Variants in BRD10 observed in about 807,000 individuals in gnomAD.
BRD10 encodes bromodomain containing 10, also known as uncharacterized bromodomain-containing protein 10.
the BRD10 span, among the ~76,000 whole-genome samples, chr9:5,979,908 A>G: frequency 0.6 from 89,744 of 150,476 alleles, 27,887 homozygotes; most frequent in Non-Finnish European, 0.71. Context: ...CTAGCTACTC[A>G]GGAGGCTGAG....
At chr9:5,987,967 G>A in the BRD10 span, among the ~76,000 whole-genome samples, 3 of 152,042 alleles carry the variant, frequency 2.0e-5, no homozygotes, top group African/African-American at 4.8e-5. Context: ...ACAGGCAGAG[G>A]TGAATTTATG....
chr9:6,007,854 G>A, the BRD10 span: 8 of 1,376,442 alleles, frequency 5.8e-6, no homozygotes, highest in Non-Finnish European at 7.5e-6. Flanking sequence ...GCGTGAGCGC[G>A]AGCCGCTTCC....
At chr9:5,999,785 T>C in the BRD10 span, among the ~76,000 whole-genome samples, 27 of 152,304 alleles carry the variant, frequency 1.8e-4, no homozygotes, top group African/African-American at 4.1e-4. Context: ...GTTTATCCAC[T>C]TGTGTCTTTC....
At chr9:5,922,812 A>C in the BRD10 span, 4 of 1,613,952 alleles carry the variant, frequency 2.5e-6, no homozygotes, top group Non-Finnish European at 3.4e-6. Flanking sequence ...ACCATTTGTA[A>C]AGGACCTTTT....
chr9:5,888,925 T>C, the BRD10 span, among the ~76,000 whole-genome samples: 1 of 152,148 alleles, frequency 6.6e-6, no homozygotes, highest in Non-Finnish European at 1.5e-5. Context: ...TGATGTACAA[T>C]GAAAAGTGGA....
At chr9:5,957,416 C>T in the BRD10 span, among the ~76,000 whole-genome samples, 5 of 152,256 alleles carry the variant, frequency 3.3e-5, no homozygotes, top group African/African-American at 9.6e-5. Context: ...TGACATACTG[C>T]GCATTTGTTA....
the BRD10 span, among the ~76,000 whole-genome samples, chr9:5,926,412 A>G: frequency 6.6e-6 from 1 of 151,430 alleles, no homozygotes; most frequent in South Asian, 2.1e-4. Flanking sequence ...GGATCAAGCA[A>G]TGCACCCACC....
chr9:5,990,628 A>T, the BRD10 span, among the ~76,000 whole-genome samples: 1 of 152,242 alleles, frequency 6.6e-6, no homozygotes, highest in Non-Finnish European at 1.5e-5. Flanking sequence ...CAGAAATTAA[A>T]ATTTATGAGC....
At chr9:5,969,175 G>C in the BRD10 span, 1 of 1,613,852 alleles carries the variant, frequency 6.2e-7, no homozygotes, top group East Asian at 2.2e-5. Flanking sequence ...GTCTGCGATG[G>C]GGAGGACTTA....
At chr9:5,988,158 A>G in the BRD10 span, among the ~76,000 whole-genome samples, 2 of 152,232 alleles carry the variant, frequency 1.3e-5, no homozygotes, top group Non-Finnish European at 2.9e-5. Context: ...ATTTTTGTAT[A>G]GCTTCAAGAT....
the BRD10 span, among the ~76,000 whole-genome samples, chr9:5,995,020 C>G: frequency 2.6e-5 from 4 of 152,182 alleles, no homozygotes; most frequent in Admixed American, 2.6e-4. Flanking sequence ...CTGCCTCAGC[C>G]TCCTGAGTAG....
chr9:5,899,937 T>C, the BRD10 span, among the ~76,000 whole-genome samples: 2 of 152,212 alleles, frequency 1.3e-5, no homozygotes, highest in Non-Finnish European at 2.9e-5. Context: ...CACCCAGACA[T>C]GTTGGAAATC....
At chr9:5,924,644 A>AT in the BRD10 span, 2 of 1,458,716 alleles carry the variant, frequency 1.4e-6, no homozygotes, top group South Asian at 3.2e-5. Context: ...TTAAAAAAAA[A>AT]GTTTAATGCT....
the BRD10 span, chr9:5,922,901 G>A: frequency 4.3e-6 from 7 of 1,613,854 alleles, no homozygotes; most frequent in Non-Finnish European, 5.9e-6. Context: ...CACAGCAAGA[G>A]CATTTCTACC....
chr9:5,897,418 G>C, the BRD10 span: 2 of 729,706 alleles, frequency 2.7e-6, no homozygotes, highest in Non-Finnish European at 4.8e-6. Flanking sequence ...CAGTGTGGGA[G>C]GTGGGAAACT....
At chr9:5,999,736 T>C in the BRD10 span, among the ~76,000 whole-genome samples, 1 of 152,216 alleles carries the variant, frequency 6.6e-6, no homozygotes, top group African/African-American at 2.4e-5. Context: ...CTTTTAGATA[T>C]GGTGTTCTTA....
At chr9:5,907,171 A>G in the BRD10 span, 3 of 383,600 alleles carry the variant, frequency 7.8e-6, no homozygotes, top group Non-Finnish European at 1.4e-5. Flanking sequence ...TTATGAGAAT[A>G]AAAAATAAAT....
chr9:5,965,258 A>T, the BRD10 span, among the ~76,000 whole-genome samples: 2 of 152,080 alleles, frequency 1.3e-5, no homozygotes, highest in Admixed American at 6.5e-5. Flanking sequence ...AGCGTATTCT[A>T]CAGAATACAC....
At chr9:6,006,815 C>A in the BRD10 span, among the ~76,000 whole-genome samples, 6 of 152,308 alleles carry the variant, frequency 3.9e-5, no homozygotes, top group African/African-American at 1.4e-4. Flanking sequence ...ATATTTCATC[C>A]TAAACGCTGT....
Sources: allele counts gnomAD v4.1 joint callset (sites outside exome capture counted in the v4.1 genomes callset), GRCh38; gene constraint gnomAD v4.1.1; transcripts MANE v1.5; gene names NCBI Gene and HGNC (gene_info 2026-07-23, HGNC 2026-07-21).